The following TRMT44 variants were observed in gnomAD, a reference collection of about 807,000 sequenced individuals.
TRMT44 encodes the protein tRNA methyltransferase 44 homolog.
In TRMT44, 78 loss-of-function variants were observed where a neutral mutation model predicts 77.3. The observed-to-expected ratio is 1.01, with a 90% CI of 0.84 to 1.22. The LOEUF (loss-of-function observed/expected upper bound fraction) is 1.22, where lower values mean the gene tolerates loss of function less well. TRMT44 is among the 50% of genes most tolerant of loss of function. The pLI is 0.00. For missense variants in TRMT44, 1,090 were observed against 964.4 expected (o/e 1.13, Z -1.73); for synonymous variants, 391 against 383.3 (o/e 1.02, Z -0.23).
At chr4:8,442,095 C>A (rs1345088601) in intron 1 of TRMT44, among the ~76,000 whole-genome samples, 2 of 152,214 alleles carry the variant, frequency 1.3e-5, no homozygotes, top group African/African-American at 4.8e-5. Context: ...TGTAGTGATT[C>A]AAAGGAGTGT....
At chr4:8,478,089 G>A (rs562800986), downstream of TRMT44, 3 of 153,210 alleles carry the variant, frequency 2.0e-5, no homozygotes, top group Non-Finnish European at 4.4e-5. Flanking sequence ...CAAGCCCAGA[G>A]CCCCTGCTTT....
the TRMT44 span, among the ~76,000 whole-genome samples, chr4:8,516,303 T>G: frequency 6.6e-6 from 1 of 152,156 alleles, no homozygotes; most frequent in Non-Finnish European, 1.5e-5. Flanking sequence ...TCCCCTGAGA[T>G]ACCCCTTCAG....
downstream of TRMT44, among the ~76,000 whole-genome samples, chr4:8,497,669 A>C (rs529023926): frequency 6.6e-6 from 1 of 152,266 alleles, no homozygotes; most frequent in East Asian, 1.9e-4. Context: ...AAACAAAAAA[A>C]CCCTGCTCTG....
intron 5 of TRMT44, chr4:8,453,276 T>C: frequency 4.7e-6 from 1 of 213,888 alleles, no homozygotes; most frequent in Non-Finnish European, 9.2e-6. Flanking sequence ...TGCTGTCAGA[T>C]TTTTCTTTTG....
At chr4:8,467,161 G>A (rs77743832) in intron 8 of TRMT44, among the ~76,000 whole-genome samples, 3,372 of 152,306 alleles carry the variant, frequency 0.022, 66 homozygotes, top group African/African-American at 0.052. Context: ...CGCAGCCCCC[G>A]TATGCACTCG....
Position 8,475,789 on chromosome 4 carries a change from C to A in TRMT44, c.2062C>A (p.His688Asn). ...QVFQVVNGRV[H>N]IRDWREETLW... ...AACCACAGTTGTGAATGGGAGAGTT[C>A]ACATCCGCGACTGGCGAGAGGAGAC... Residue 688 changes from histidine to asparagine, a missense_variant, in exon 11 of 11, where the codon CAC becomes AAC. By Grantham distance (68) the His-to-Asn change is moderately conservative. Coordinates refer to ENST00000389737, the MANE Select transcript of TRMT44 (RefSeq NM_152544.3). 1.2e-6 allele frequency: 2 copies of A among 1,614,122 alleles called. No individual in the cohort carries two copies. Among genetic ancestry groups the A allele is most frequent in the South Asian group, 2.2e-5 (2 of 91,082 alleles).
At chr4:8,494,589 G>A (rs1728099552), downstream of TRMT44, among the ~76,000 whole-genome samples, 1 of 152,178 alleles carries the variant, frequency 6.6e-6, no homozygotes, top group Non-Finnish European at 1.5e-5. Flanking sequence ...GACCAAACCA[G>A]TGTTCATCTT....
rs747807437 is a variant in TRMT44 at position 8,446,475 on chromosome 4, G to C, written c.620-1G>C. Reference sequence around the variant, plus strand: ...TGTCCTTCTTCTCTTTTTCTTTCCAGATGTCCTCAATGGAACCATAACGTT... The same window carrying C: ...TGTCCTTCTTCTCTTTTTCTTTCCACATGTCCTCAATGGAACCATAACGTT... On this transcript the variant is annotated splice_acceptor_variant, in intron 1 of 10. Transcript: ENST00000389737. LOFTEE classifies it high-confidence loss of function. This position sits in a 1 kb window ranked among gnomAD's most constrained non-coding sequence, Gnocchi z 4.3. 3 of 1,529,772 alleles carry C rather than the reference G, an allele frequency of 2.0e-6. No individual in the cohort carries two copies. Among genetic ancestry groups the C allele is most frequent in the Admixed American group, 2.0e-5 (1 of 50,768 alleles). 94.8% of individuals were successfully genotyped at this position (1,529,772 alleles called of 1,614,324 possible).
chr4:8,471,131 C>A lies in TRMT44; in HGVS notation c.1975C>A (p.Leu659Met). 6.2e-7 allele frequency: 1 copy of A among 1,608,998 alleles called. No individual in the cohort carries two copies. The highest frequency in any genetic ancestry group is 8.5e-7 in the Non-Finnish European group (1 of 1,177,428). Residue 659 changes from leucine to methionine, a missense_variant, in exon 10 of 11, where the codon CTG (leucine) becomes ATG (methionine). Transcript: ENST00000389737. The part of the protein sequence containing the change: ...EVANELDTET[L>M]RRLKRECGGL... ...AGCCAACGAGCTGGACACGGAGACC[C>A]TGCGGAGGCTGAAGCGGGAGTGTGG...
At chr4:8,458,974 G>A (rs1259955410) in intron 6 of TRMT44, among the ~76,000 whole-genome samples, 3 of 151,712 alleles carry the variant, frequency 2.0e-5, no homozygotes, top group Non-Finnish European at 4.4e-5. Flanking sequence ...CAAGGCATGA[G>A]GATCACTTGA....
intron 9 of TRMT44, among the ~76,000 whole-genome samples, chr4:8,470,474 G>A (rs1370601058): frequency 6.6e-6 from 1 of 152,270 alleles, no homozygotes; most frequent in Non-Finnish European, 1.5e-5. Context: ...CCAATTTGAT[G>A]TTTTGGTAAT....
chr4:8,475,713 G>C, intron 10 of TRMT44, 59 bp from the exon 11 acceptor site: 1 of 1,545,312 alleles, frequency 6.5e-7, no homozygotes, highest in South Asian at 1.2e-5. Flanking sequence ...AGAGAGGCTG[G>C]TGAATTAAGG....
chr4:8,506,401 T>C, the TRMT44 span, among the ~76,000 whole-genome samples: 2 of 152,208 alleles, frequency 1.3e-5, no homozygotes, highest in Non-Finnish European at 2.9e-5. Flanking sequence ...TAACAGTCTG[T>C]TTAGCCAGAT....
At chr4:8,460,486 A>G (rs1726073810) in intron 6 of TRMT44, among the ~76,000 whole-genome samples, 1 of 152,198 alleles carries the variant, frequency 6.6e-6, no homozygotes, top group Non-Finnish European at 1.5e-5. Context: ...TCTCAGGCAT[A>G]TCATTTCATA....
chr4:8,459,374 G>A (rs1041652883), intron 6 of TRMT44, among the ~76,000 whole-genome samples: 22 of 152,230 alleles, frequency 1.4e-4, no homozygotes, highest in African/African-American at 4.8e-4. Context: ...ACCATAATCC[G>A]CACAACAGCA....
intron 8 of TRMT44, among the ~76,000 whole-genome samples, chr4:8,466,710 T>C (rs1363119606): frequency 1.3e-5 from 2 of 152,268 alleles, no homozygotes; most frequent in African/African-American, 4.8e-5. Context: ...ATTTTTGCAC[T>C]TGCTTCTCCA....
intron 2 of TRMT44, among the ~76,000 whole-genome samples, chr4:8,482,777 C>T (rs1362513215): frequency 2.0e-5 from 3 of 152,070 alleles, no homozygotes; most frequent in African/African-American, 7.2e-5. Flanking sequence ...TACTTCAGGC[C>T]ATCTGGGCAT....
chr4:8,488,075 G>C (rs1298048863), intron 2 of TRMT44, among the ~76,000 whole-genome samples: 5 of 152,212 alleles, frequency 3.3e-5, no homozygotes, highest in Non-Finnish European at 1.5e-5. Context: ...GAGTGATAGT[G>C]AGGGAGGTTG....
chr4:8,464,417 T>C (rs1186107100), intron 7 of TRMT44, among the ~76,000 whole-genome samples: 1 of 152,220 alleles, frequency 6.6e-6, no homozygotes, highest in African/African-American at 2.4e-5. Flanking sequence ...AGGTGTCCTT[T>C]TTGGAAGTTT....
Sources: allele counts gnomAD v4.1 joint callset (sites outside exome capture counted in the v4.1 genomes callset), GRCh38; gene constraint gnomAD v4.1.1; non-coding constraint Gnocchi (gnomAD v3.1); transcripts MANE v1.5; gene names NCBI Gene and HGNC (gene_info 2026-07-23, HGNC 2026-07-21).